KCNQ3: variants seen among roughly 807,000 people sequenced by gnomAD.
KCNQ3 encodes potassium voltage-gated channel subfamily Q member 3, also known as potassium voltage-gated channel subfamily KQT member 3.
Under a neutral mutation model 92.5 loss-of-function variants are expected in KCNQ3, and 30 were observed. The ratio of observed to expected loss-of-function variants is 0.32; its 90% CI spans 0.24 to 0.44. The LOEUF is 0.44. Among genes scored for constraint, KCNQ3 ranks in the 20% least tolerant of loss-of-function variants. The pLI, the probability that KCNQ3 is intolerant of heterozygous loss-of-function variation, is 1.00. For missense variants in KCNQ3, 913 were observed against 1,140.3 expected (o/e 0.80, Z 2.87); for synonymous variants, 450 against 468.8 (o/e 0.96, Z 0.52).
chr8:132,463,958 G>A (rs1166440075), intron 1 of KCNQ3, among the ~76,000 whole-genome samples: 1 of 152,224 alleles, frequency 6.6e-6, no homozygotes, highest in Non-Finnish European at 1.5e-5. Flanking sequence ...GCTGAGGCGG[G>A]TGGACCACCT....
chr8:132,277,991 G>C, intron 1 of KCNQ3: 1 of 985,304 alleles, frequency 1.0e-6, no homozygotes, highest in Non-Finnish European at 1.2e-6. Flanking sequence ...AGGACAGAAG[G>C]GATCATCCTT....
chr8:132,465,693 G>A (rs1170381727), intron 1 of KCNQ3, among the ~76,000 whole-genome samples: 4 of 152,120 alleles, frequency 2.6e-5, no homozygotes, highest in African/African-American at 9.7e-5. Flanking sequence ...GCAGTGAGCC[G>A]AGATTGCACC....
intron 1 of KCNQ3, among the ~76,000 whole-genome samples, chr8:132,295,842 A>G (rs1467535813): frequency 6.6e-6 from 1 of 151,982 alleles, no homozygotes; most frequent in African/African-American, 2.4e-5. Context: ...GTGAGAACAC[A>G]TGGACACAGG....
At chr8:132,219,335 G>C (rs1814142207) in intron 1 of KCNQ3, among the ~76,000 whole-genome samples, 1 of 152,104 alleles carries the variant, frequency 6.6e-6, no homozygotes, top group African/African-American at 2.4e-5. Flanking sequence ...TTCATGCCCA[G>C]TGAGCTATAA....
intron 4 of KCNQ3, among the ~76,000 whole-genome samples, chr8:132,178,994 G>T (rs1250475263): frequency 7.3e-6 from 1 of 137,086 alleles, no homozygotes; most frequent in African/African-American, 2.8e-5. Context: ...TGCCTACCAG[G>T]GTGGGTGCAA....
rs375287197 is a variant in KCNQ3 at position 132,349,410 on chromosome 8, G to A, written c.386+130737C>T. 6.2e-4 allele frequency among the ~76,000 whole-genome samples: 94 copies of A among 152,292 alleles called. 3 individuals are homozygous for A. In the South Asian group the frequency reaches 0.018, roughly 29 times the overall value. ...CATTTTTCCTTACTTTACAGATGAC[G>A]GGGGGAAGAACAGAAAGAGAAGAGA... On this transcript the variant is annotated intron_variant, in intron 1 of 14. Coordinates refer to ENST00000388996, the MANE Select transcript of KCNQ3 (RefSeq NM_004519.4).
intron 13 of KCNQ3, among the ~76,000 whole-genome samples, chr8:132,133,996 A>C (rs1037697302): frequency 6.6e-6 from 1 of 152,208 alleles, no homozygotes; most frequent in Admixed American, 6.5e-5. Flanking sequence ...GTTTCAATAA[A>C]GCTCATAAGT....
intron 1 of KCNQ3, among the ~76,000 whole-genome samples, chr8:132,309,322 A>G (rs1429994574): frequency 1.3e-5 from 2 of 152,190 alleles, no homozygotes; most frequent in Non-Finnish European, 2.9e-5. Context: ...CACTATTATT[A>G]TCTCCTGCTG....
chr8:132,296,775 A>C (rs578118688), intron 1 of KCNQ3, among the ~76,000 whole-genome samples: 2 of 152,036 alleles, frequency 1.3e-5, no homozygotes, highest in East Asian at 1.9e-4. Context: ...ACATTTTCTT[A>C]ATCCAGTCTA....
intron 1 of KCNQ3, among the ~76,000 whole-genome samples, chr8:132,341,177 C>T (rs780560319): frequency 2.6e-5 from 4 of 152,196 alleles, no homozygotes; most frequent in South Asian, 2.1e-4. Context: ...GAAGCCAAAG[C>T]GTCAAACACT....
At chr8:132,359,409 C>A (rs189968118) in intron 1 of KCNQ3, among the ~76,000 whole-genome samples, 116 of 152,318 alleles carry the variant, frequency 7.6e-4, no homozygotes, top group Non-Finnish European at 1.0e-3. Context: ...TGAAGCCCTA[C>A]CAGGGTGCTC....
chr8:132,369,573 G>GCA (rs3049658), intron 1 of KCNQ3, among the ~76,000 whole-genome samples: 3,474 of 148,208 alleles, frequency 0.023, 56 homozygotes, highest in Admixed American at 0.067. Flanking sequence ...TGCTCAAACA[G>GCA]CACACACACA....
intron 1 of KCNQ3, among the ~76,000 whole-genome samples, chr8:132,265,430 A>G (rs950915181): frequency 1.3e-5 from 2 of 152,174 alleles, no homozygotes; most frequent in African/African-American, 4.8e-5. Context: ...AGCACACTAA[A>G]CCGCAAGGGA....
At chr8:132,317,628 C>T (rs1030937338) in intron 1 of KCNQ3, among the ~76,000 whole-genome samples, 6 of 152,196 alleles carry the variant, frequency 3.9e-5, no homozygotes, top group African/African-American at 9.7e-5. Context: ...AGCATCATCT[C>T]GGTCAGTCAC....
At position 132,469,838 on chromosome 8, in the gene KCNQ3, T is replaced by C. The variant is rs1822257114; in HGVS notation, c.386+10309A>G. 2.0e-5 allele frequency among the ~76,000 whole-genome samples: 3 copies of C among 151,810 alleles called. No homozygotes were observed. The South Asian group carries it at 6.2e-4, about 32-fold the overall frequency. On this transcript the variant is annotated intron_variant, in intron 1 of 14. Coordinates refer to ENST00000388996, the MANE Select transcript of KCNQ3 (RefSeq NM_004519.4). ...GAGCTTCCAAATAATGCAAGAATAATTTAGCATTAAATTGAAGAAAATTTG... is the reference window on the plus strand; with the variant it reads ...GAGCTTCCAAATAATGCAAGAATAACTTAGCATTAAATTGAAGAAAATTTG...
chr8:132,314,335 G>C (rs577957562), intron 1 of KCNQ3, among the ~76,000 whole-genome samples: 73 of 152,196 alleles, frequency 4.8e-4, no homozygotes, highest in Non-Finnish European at 4.6e-4. Context: ...TCTAGAGGAA[G>C]ACAGACAAAG....
chr8:132,374,584 G>A (rs1160467630), intron 1 of KCNQ3, among the ~76,000 whole-genome samples: 2 of 152,208 alleles, frequency 1.3e-5, no homozygotes, highest in Non-Finnish European at 2.9e-5. Flanking sequence ...AAGTAAACTC[G>A]TGTTACGGGA....
At chr8:132,314,697 T>C (rs766829676) in intron 1 of KCNQ3, among the ~76,000 whole-genome samples, 1 of 152,216 alleles carries the variant, frequency 6.6e-6, no homozygotes, top group South Asian at 2.1e-4. Flanking sequence ...GCAGCACTAA[T>C]GGGTGAAGGA....
intron 1 of KCNQ3, among the ~76,000 whole-genome samples, chr8:132,307,443 C>T (rs945929553): frequency 1.6e-4 from 24 of 152,222 alleles, no homozygotes; most frequent in African/African-American, 5.3e-4. Context: ...ACAACAACTA[C>T]ACTGAGAAAC....
Sources: allele counts gnomAD v4.1 joint callset (sites outside exome capture counted in the v4.1 genomes callset), GRCh38; gene constraint gnomAD v4.1.1; transcripts MANE v1.5; gene names NCBI Gene and HGNC (gene_info 2026-07-23, HGNC 2026-07-21).